Variants in RPL9 observed in about 807,000 individuals in gnomAD.
RPL9 encodes the protein large ribosomal subunit protein uL6.
For missense variants in RPL9, 149 were observed against 236.7 expected, an observed-to-expected ratio of 0.63 and a Z score of 2.43; for synonymous variants, 82 against 77.1, an observed-to-expected ratio of 1.06 and a Z score of -0.33.
intron 1 of RPL9, 77 bp downstream of exon 1, chr4:39,458,814 G>C: frequency 1.5e-6 from 1 of 688,386 alleles, no homozygotes; most frequent in Non-Finnish European, 2.7e-6. Flanking sequence ...TCCGAGAGTG[G>C]GAGCCGCGCC....
chr4:39,457,263 T>C, intron 4 of RPL9: 1 of 215,566 alleles, frequency 4.6e-6, no homozygotes, highest in Non-Finnish European at 9.3e-6. Context: ...GCATGGTGGC[T>C]CATGCCTGCA....
Position 39,458,456 on chromosome 4 carries a change from T to TGA in RPL9, c.-1-17_-1-16insTC. 1.2e-6 allele frequency: 2 copies of TGA among 1,613,906 alleles called. No individual in the cohort carries two copies. Among genetic ancestry groups the TGA allele is most frequent in the Non-Finnish European group, 1.7e-6 (2 of 1,179,810 alleles). On this transcript the variant is annotated splice_polypyrimidine_tract_variant and intron_variant, in intron 1 of 7. Coordinates refer to ENST00000295955, the MANE Select transcript of RPL9 (RefSeq NM_000661.5). ...AGTCTTCATTCTGAAACACAAACACTGGGGGTGAGGCCGACGCAAGGCCCG... is the reference window on the plus strand; with the variant it reads ...AGTCTTCATTCTGAAACACAAACACTGAGGGGGTGAGGCCGACGCAAGGCCCG...
At position 39,458,447 on chromosome 4, in the gene RPL9, C is replaced by A; in HGVS notation, c.-1-7G>T. The A allele has an allele frequency of 6.2e-7, 1 of 1,614,136 alleles. No homozygotes were observed. Among genetic ancestry groups the A allele is most frequent in the South Asian group, 1.1e-5 (1 of 91,072 alleles). On this transcript the variant is annotated splice_region_variant and splice_polypyrimidine_tract_variant and intron_variant, in intron 1 of 7. Coordinates refer to ENST00000295955, the MANE Select transcript of RPL9 (RefSeq NM_000661.5). ...GCTGAGAATAGTCTTCATTCTGAAACACAAACACTGGGGGTGAGGCCGACG... is the reference window on the plus strand; with the variant it reads ...GCTGAGAATAGTCTTCATTCTGAAAAACAAACACTGGGGGTGAGGCCGACG...
Position 39,455,072 on chromosome 4 carries a change from G to A in RPL9, c.392-128C>T, listed in dbSNP as rs183344688. The A allele has an allele frequency of 1.6e-4, 146 of 928,234 alleles. 1 individual carries two copies. In the African/African-American group the frequency reaches 1.9e-3, roughly 12 times the overall value. The allele number at this position is 928,234 out of a possible 1,614,324, so 57.5% of individuals were successfully genotyped here. On this transcript the variant is annotated intron_variant, in intron 5 of 7. Coordinates refer to ENST00000295955, the MANE Select transcript of RPL9 (RefSeq NM_000661.5). Reference sequence around the variant, plus strand: ...AACCTTTTCTTAAGATTTTGAGGCCGGGCACAGTGGCTCACGCCTGTAATC... The same window carrying A: ...AACCTTTTCTTAAGATTTTGAGGCCAGGCACAGTGGCTCACGCCTGTAATC...
At chr4:39,458,575 C>G in intron 1 of RPL9, 135 bp from the exon 2 acceptor site, 12 of 885,848 alleles carry the variant, frequency 1.4e-5, no homozygotes, top group East Asian at 2.6e-5. Flanking sequence ...GGGAGACCGA[C>G]AGCGGGCCCC....
chr4:39,458,198 T>C lies in RPL9; in HGVS notation c.158A>G (p.Lys53Arg). The C allele has an allele frequency of 6.2e-7, 1 of 1,612,686 alleles. No homozygotes were observed. The highest frequency in any genetic ancestry group is 8.5e-7 in the Non-Finnish European group (1 of 1,178,834). ...VELSLLGKKK[K>R]RLRVDKWWGN... Reference sequence around the variant, plus strand: ...TATCAGAAGAAAAACCCTCACCCTCTTTTTTTTCTTTCCAAGAAGGCTGAG... The same window carrying C: ...TATCAGAAGAAAAACCCTCACCCTCCTTTTTTTCTTTCCAAGAAGGCTGAG... The change falls in exon 3 of 8, where the codon AAG becomes AGG. Residue 53 changes from lysine (K) to arginine (R), a missense_variant. Coordinates refer to ENST00000295955, the MANE Select transcript of RPL9 (RefSeq NM_000661.5).
In RPL9 at chr4:39,455,005, G is replaced by A. The variant is rs559413114; in HGVS notation, c.392-61C>T. On this transcript the variant is annotated intron_variant, in intron 5 of 7. Coordinates refer to ENST00000295955, the MANE Select transcript of RPL9 (RefSeq NM_000661.5). ...CTGTGTAAAAAATATTTAAATTGCA[G>A]AGGCACTAATTTATTCCATGTAAAA... 102 of 1,493,616 alleles carry A rather than the reference G, an allele frequency of 6.8e-5. No homozygotes were observed. The African/African-American group carries it at 9.8e-4, about 14-fold the overall frequency. The allele number at this position is 1,493,616 out of a possible 1,614,324, so 92.5% of individuals were successfully genotyped here.
intron 5 of RPL9, chr4:39,455,165 CTG>C: frequency 2.4e-6 from 1 of 422,530 alleles, no homozygotes; most frequent in East Asian, 4.5e-5. Flanking sequence ...CTGGCTAACA[CTG>C]TGAAACCCAT....
intron 6 of RPL9, 25 bp downstream of exon 6, chr4:39,454,839 A>T: frequency 6.2e-7 from 1 of 1,604,702 alleles, no homozygotes; most frequent in Non-Finnish European, 8.5e-7. Context: ...TTGTAGGCAT[A>T]GTTAGACATA....
At chr4:39,458,724 A>G in intron 1 of RPL9, 167 bp downstream of exon 1, 1 of 643,024 alleles carries the variant, frequency 1.6e-6, no homozygotes, top group Non-Finnish European at 2.8e-6. Flanking sequence ...AATAGGCCAA[A>G]AAGCCCACAA....
chr4:39,457,836 C>T (rs1744172824), intron 3 of RPL9, 155 bp from the exon 4 acceptor site: 1 of 680,026 alleles, frequency 1.5e-6, no homozygotes, highest in African/African-American at 1.8e-5. Flanking sequence ...AACCTCCCAA[C>T]AGTTAAGCTT....
At position 39,457,587 on chromosome 4, in the gene RPL9, A is replaced by C. The variant is rs376308168; in HGVS notation, c.257T>G (p.Leu86Arg). 1.2e-6 allele frequency: 2 copies of C among 1,612,606 alleles called. No homozygotes were observed. The highest frequency in any genetic ancestry group is 1.7e-5 in the Admixed American group (1 of 60,020). Residue 86 changes from leucine to arginine, a missense_variant and splice_region_variant, in exon 4 of 8, where the codon CTG becomes CGG. Coordinates refer to ENST00000295955, the MANE Select transcript of RPL9 (RefSeq NM_000661.5). The stretch of plus-strand genomic sequence containing the variant: ...AGGAAGTCTGATACATCTGCTTACC[A>C]GTGTAACACCCTTGATCATGTTCTG... The part of the protein sequence containing the change: ...HVQNMIKGVT[L>R]GFRYKMRSVY...
intron 5 of RPL9, 46 bp downstream of exon 5, chr4:39,456,360 A>G (rs1744085028): frequency 6.2e-7 from 1 of 1,612,058 alleles, no homozygotes; most frequent in Admixed American, 1.7e-5. Flanking sequence ...GAGGAAAAAA[A>G]TATGAAGGAA....
intron 6 of RPL9, 39 bp downstream of exon 6, chr4:39,454,825 A>C (rs749127050): frequency 1.3e-6 from 2 of 1,590,926 alleles, no homozygotes; most frequent in Non-Finnish European, 1.7e-6. Context: ...ATTTAGACAA[A>C]ATCTTGTAGG....
intron 3 of RPL9, 178 bp downstream of exon 3, chr4:39,458,016 A>G: frequency 1.4e-6 from 1 of 727,812 alleles, no homozygotes; most frequent in South Asian, 1.5e-5. Context: ...GCTTTATATA[A>G]TTGGCTGTGT....
intron 5 of RPL9, among the ~76,000 whole-genome samples, chr4:39,455,616 C>A (rs757047519): frequency 2.0e-5 from 3 of 151,848 alleles, no homozygotes; most frequent in Non-Finnish European, 4.4e-5. Context: ...TACAAAAAAT[C>A]AAAAATCAGC....
chr4:39,456,427 G>A lies in RPL9; in HGVS notation c.370C>T (p.Arg124Cys), dbSNP rs1032406066. 9.3e-6 allele frequency: 15 copies of A among 1,613,918 alleles called. No homozygotes were observed. Among genetic ancestry groups the A allele is most frequent in the East Asian group, 2.2e-5 (1 of 44,888 alleles). ...IRNFLGEKYI[R>C]RVRMRPGVAC... ...ATACCTGGTCTCATCCGAACCCTGCGGATATATTTTTCACCCAAGAAATTT... is the reference window on the plus strand; with the variant it reads ...ATACCTGGTCTCATCCGAACCCTGCAGATATATTTTTCACCCAAGAAATTT... Residue 124 changes from arginine to cysteine, a missense_variant, in exon 5 of 8, where the codon CGC becomes TGC. Transcript: ENST00000295955.
intron 7 of RPL9, 136 bp from the exon 8 acceptor site, chr4:39,454,361 T>C (rs913159764): frequency 5.1e-6 from 3 of 585,786 alleles, no homozygotes; most frequent in Admixed American, 3.3e-5. Context: ...TAGTAAACTA[T>C]ACGTAGTAAA....
At chr4:39,455,069 G>T in intron 5 of RPL9, 125 bp from the exon 6 acceptor site, 6 of 977,402 alleles carry the variant, frequency 6.1e-6, no homozygotes. Flanking sequence ...AGATTTTGAG[G>T]CCGGGCACAG....
Sources: gnomAD v4.1 joint callset for allele counts (sites outside exome capture counted in the v4.1 genomes callset) on GRCh38, gnomAD v4.1.1 for gene constraint, MANE v1.5 for transcripts, NCBI Gene and HGNC (gene_info 2026-07-23, HGNC 2026-07-21) for gene names.